Variants in LYG1 observed in about 807,000 individuals in gnomAD.
LYG1 encodes lysozyme g-like protein 1.
In LYG1, 17 loss-of-function variants were observed where a neutral mutation model predicts 21.7. That is an observed-to-expected ratio of 0.78 (90% CI 0.54 to 1.18). The LOEUF is 1.18. Among genes scored for constraint, LYG1 ranks in the 50% most tolerant of loss-of-function variants. The probability of loss-of-function intolerance (pLI) is 0.00; values close to 1 mark genes in which losing one functional copy is unlikely to be tolerated. For missense variants in LYG1, 211 were observed against 238.1 expected (o/e 0.89, Z 0.75); for synonymous variants, 81 against 87.4 (o/e 0.93, Z 0.41).
chr2:99,295,840 T>C (rs1274887958), intron 2 of LYG1, 138 bp from the exon 3 acceptor site: 2 of 811,784 alleles, frequency 2.5e-6, no homozygotes, highest in Admixed American at 2.8e-5. Context: ...ATTTGAATCA[T>C]AGTGAAAAAA....
intron 3 of LYG1, among the ~76,000 whole-genome samples, chr2:99,292,964 T>C (rs934315737): frequency 1.3e-5 from 2 of 150,100 alleles, no homozygotes; most frequent in African/African-American, 4.9e-5. Context: ...ATTTGTTCCC[T>C]GTAAAGTAGT....
At chr2:99,301,871 C>T (rs2094155538), upstream of LYG1, among the ~76,000 whole-genome samples, 1 of 150,512 alleles carries the variant, frequency 6.6e-6, no homozygotes, top group African/African-American at 2.4e-5. Context: ...TTACAGACAC[C>T]CAGGACCTAC....
chr2:99,290,893 G>C (rs2094116041), intron 5 of LYG1, among the ~76,000 whole-genome samples: 1 of 152,118 alleles, frequency 6.6e-6, no homozygotes, highest in Non-Finnish European at 1.5e-5. Context: ...AGAAACTAAG[G>C]CCCAGTGAGA....
At chr2:99,292,237 A>AT (rs2094121044) in intron 4 of LYG1, among the ~76,000 whole-genome samples, 1 of 152,168 alleles carries the variant, frequency 6.6e-6, no homozygotes, top group South Asian at 2.1e-4. Flanking sequence ...GTGACCTGAG[A>AT]TTGCACCATT....
intron 4 of LYG1, among the ~76,000 whole-genome samples, chr2:99,292,190 C>T (rs567649631): frequency 3.5e-4 from 53 of 152,240 alleles, no homozygotes; most frequent in African/African-American, 1.1e-3. Context: ...GAGGCTGAGG[C>T]AGGAGAATCG....
At chr2:99,299,289 T>TC (rs979031576) in intron 1 of LYG1, among the ~76,000 whole-genome samples, 2 of 150,116 alleles carry the variant, frequency 1.3e-5, no homozygotes, top group Non-Finnish European at 3.0e-5. Context: ...TTTTTCTTTT[T>TC]TTTTTTTTTT....
In LYG1 at chr2:99,291,296, T is replaced by C. The variant is rs2094117424; in HGVS notation, c.274A>G (p.Arg92Gly). Reference protein sequence around the residue: ...DPAVIAGVLSRKSPGDKILVN... With the variant: ...DPAVIAGVLSGKSPGDKILVN... ...AGAATTTTGTCACCGGGAGACTTCC[T>C]GGACAAGACACCAGCGATCACGGCA... The change falls in exon 5 of 7, where the codon AGG (arginine) becomes GGG (glycine). Residue 92 changes from arginine (R) to glycine (G), a missense_variant. Physicochemically the swap from Arg to Gly is moderately radical, Grantham distance 125. Coordinates refer to ENST00000308528, the MANE Select transcript of LYG1 (RefSeq NM_174898.3). The C allele has an allele frequency of 2.5e-6, 4 of 1,613,544 alleles. No individual in the cohort carries two copies. The highest frequency in any genetic ancestry group is 3.4e-6 in the Non-Finnish European group (4 of 1,179,634).
Position 99,288,688 on chromosome 2 carries a change from C to A in LYG1, c.333+2549G>T, listed in dbSNP as rs1007338476. On this transcript the variant is annotated intron_variant, in intron 5 of 6. Transcript: ENST00000308528. ...GGCTCCAGCGATTCTCCTGCCTCAG[C>A]CTCCTGCGTAGCTGGGATTACAGGC... Among the ~76,000 whole-genome samples, 4 of 152,168 alleles carry A rather than the reference C, an allele frequency of 2.6e-5. 1 individual carries two copies. The highest frequency in any genetic ancestry group is 5.9e-5 in the Non-Finnish European group (4 of 68,028).
At chr2:99,285,492 C>T (rs909951423) in intron 5 of LYG1, among the ~76,000 whole-genome samples, 1 of 152,062 alleles carries the variant, frequency 6.6e-6, no homozygotes, top group Admixed American at 6.6e-5. Context: ...GACCTATGCT[C>T]ATTGTAAGAG....
chr2:99,295,581 T>C (rs1233761180), intron 3 of LYG1, 47 bp downstream of exon 3: 1 of 1,606,956 alleles, frequency 6.2e-7, no homozygotes, highest in Admixed American at 1.7e-5. Context: ...TTCCTGTGCT[T>C]ATCCTTCCCA....
chr2:99,295,993 T>G (rs1316027028), intron 2 of LYG1, among the ~76,000 whole-genome samples: 1 of 151,952 alleles, frequency 6.6e-6, no homozygotes, highest in African/African-American at 2.4e-5. Context: ...ACTTTGAATC[T>G]CAACCACCAA....
chr2:99,286,996 T>A (rs1436383403), intron 5 of LYG1, among the ~76,000 whole-genome samples: 1 of 152,202 alleles, frequency 6.6e-6, no homozygotes, highest in Non-Finnish European at 1.5e-5. Flanking sequence ...ATTATGTAAG[T>A]GAAATAAGCC....
chr2:99,304,024 T>G (rs2094160972), upstream of LYG1, among the ~76,000 whole-genome samples: 2 of 152,098 alleles, frequency 1.3e-5, no homozygotes, highest in Admixed American at 6.5e-5. Flanking sequence ...ACAAAAAAAT[T>G]AGCCAGGCGT....
At chr2:99,289,710 T>C (rs559218454) in intron 5 of LYG1, among the ~76,000 whole-genome samples, 2 of 152,244 alleles carry the variant, frequency 1.3e-5, no homozygotes, top group Middle Eastern at 3.4e-3. Flanking sequence ...TGTCTGAACT[T>C]GTAATTCTTT....
At chr2:99,284,996 C>T (rs988023777) in intron 5 of LYG1, among the ~76,000 whole-genome samples, 176 bp from the exon 6 acceptor site, 8 of 152,108 alleles carry the variant, frequency 5.3e-5, no homozygotes, top group Non-Finnish European at 1.2e-4. Flanking sequence ...TCATAGCCTC[C>T]CTTATGGGGA....
intron 1 of LYG1, among the ~76,000 whole-genome samples, chr2:99,298,824 T>G (rs1404173320): frequency 2.6e-5 from 4 of 152,242 alleles, no homozygotes; most frequent in Non-Finnish European, 5.9e-5. Flanking sequence ...GTTGTCACCC[T>G]TGTTTATTGC....
At position 99,296,002 on chromosome 2, in the gene LYG1, A is replaced by G. The variant is rs76668786; in HGVS notation, c.-32-300T>C. Among the ~76,000 whole-genome samples the G allele has an allele frequency of 2.9e-3, 437 of 152,136 alleles. 2 individuals are homozygous for G. Among genetic ancestry groups the G allele is most frequent in the African/African-American group, 9.9e-3 (411 of 41,500 alleles). The stretch of plus-strand genomic sequence containing the variant: ...CAAGACACTTTGAATCTCAACCACC[A>G]AGAAACATACTGACCTGGCTCCAGA... On this transcript the variant is annotated intron_variant, in intron 2 of 6. Transcript: ENST00000308528.
chr2:99,284,932 T>C lies in LYG1; in HGVS notation c.334-112A>G, dbSNP rs998305177. On this transcript the variant is annotated intron_variant, in intron 5 of 6. Coordinates refer to ENST00000308528, the MANE Select transcript of LYG1 (RefSeq NM_174898.3). ...CCTGTCTCTTGTTCTCCTTTCACCTTTGATGGAACCAATGCCACCGTCAGT... is the reference window on the plus strand; with the variant it reads ...CCTGTCTCTTGTTCTCCTTTCACCTCTGATGGAACCAATGCCACCGTCAGT... 1.4e-5 allele frequency: 19 copies of C among 1,395,592 alleles called. No individual in the cohort carries two copies. The African/African-American group carries it at 1.9e-4, about 14-fold the overall frequency. 86.5% of individuals were successfully genotyped at this position (1,395,592 alleles called of 1,614,324 possible). A position where few individuals can be genotyped will look rare whatever the true frequency, so the allele number is the denominator to read the frequency against.
rs141340636 is a variant in LYG1 at position 99,291,346 on chromosome 2, A to G, written c.224T>C (p.Ile75Thr). The G allele has an allele frequency of 5.6e-5, 91 of 1,614,062 alleles. No homozygotes were observed. Among genetic ancestry groups the G allele is most frequent in the African/African-American group, 2.0e-4 (15 of 74,928 alleles). ...LLKYQPMMQTIGQKYCMDPAV... is the reference protein window; with the variant it reads ...LLKYQPMMQTTGQKYCMDPAV... ...AGGATCCATGCAGTACTTTTGGCCA[A>G]TGGTTTGCATCATGGGTTGATATTT... The change falls in exon 5 of 7, where the codon ATT (isoleucine) becomes ACT (threonine). Residue 75 changes from isoleucine to threonine, a missense_variant. Ile to Thr is a moderately conservative substitution (Grantham distance 89). Coordinates refer to ENST00000308528, the MANE Select transcript of LYG1 (RefSeq NM_174898.3).
Sources: allele counts gnomAD v4.1 joint callset (sites outside exome capture counted in the v4.1 genomes callset), GRCh38; gene constraint gnomAD v4.1.1; transcripts MANE v1.5; gene names NCBI Gene and HGNC (gene_info 2026-07-23, HGNC 2026-07-21).